OCA2: variants seen among roughly 807,000 people sequenced by gnomAD.
OCA2 encodes P protein.
Under a neutral mutation model 100.2 loss-of-function variants are expected in OCA2, and 77 were observed. That is an observed-to-expected ratio of 0.77 (90% CI 0.64 to 0.93). The LOEUF (loss-of-function observed/expected upper bound fraction) is 0.93. Among genes scored for constraint, OCA2 ranks in the 40% least tolerant of loss-of-function variants. The pLI is 0.00. For missense variants in OCA2, 1,062 were observed against 1,089.1 expected (o/e 0.98, Z 0.35); for synonymous variants, 432 against 439.2 (o/e 0.98, Z 0.21).
chr15:27,846,033 A>G (rs1057283529), intron 22 of OCA2, among the ~76,000 whole-genome samples: 2 of 152,122 alleles, frequency 1.3e-5, no homozygotes, highest in Non-Finnish European at 2.9e-5. Context: ...CCTGACCGTG[A>G]ACCATTCTGG....
intron 2 of OCA2, among the ~76,000 whole-genome samples, chr15:28,079,387 G>A (rs1050140061): frequency 5.9e-5 from 9 of 151,700 alleles, no homozygotes; most frequent in African/African-American, 1.9e-4. Flanking sequence ...AGCCTGAGAT[G>A]ACAGTGCTGG....
rs138815278 is a variant in OCA2, at chr15:28,000,187, C to T, written c.1045-9540G>A. Among the ~76,000 whole-genome samples the T allele has an allele frequency of 8.1e-3, 1,230 of 152,218 alleles. 26 individuals carry two copies. The highest frequency in any genetic ancestry group is 0.028 in the African/African-American group (1,143 of 41,516). Reference sequence around the variant, plus strand: ...TGAGTAAGAAGGAAAAAGCTGGAGGCGTGACACTTCCTGATATCAAACTAT... The same window carrying T: ...TGAGTAAGAAGGAAAAAGCTGGAGGTGTGACACTTCCTGATATCAAACTAT... On this transcript the variant is annotated intron_variant, in intron 9 of 23. Transcript: ENST00000354638.
chr15:27,896,975 G>T (rs1020522189), intron 19 of OCA2, among the ~76,000 whole-genome samples: 11 of 152,126 alleles, frequency 7.2e-5, no homozygotes, highest in African/African-American at 2.7e-4. Flanking sequence ...CGGATTACGA[G>T]GTCAGGAGAT....
intron 19 of OCA2, among the ~76,000 whole-genome samples, chr15:27,879,573 G>A (rs988160853): frequency 6.6e-6 from 1 of 152,064 alleles, no homozygotes; most frequent in African/African-American, 2.4e-5. Context: ...TCTCATTGTG[G>A]TTTTGCTTTG....
At chr15:27,856,842 GA>G (rs1379685698) in intron 21 of OCA2, among the ~76,000 whole-genome samples, 2 of 152,018 alleles carry the variant, frequency 1.3e-5, no homozygotes, top group African/African-American at 4.8e-5. Context: ...AAAATGTTTG[GA>G]AAAATCATAA....
intron 19 of OCA2, among the ~76,000 whole-genome samples, chr15:27,913,848 AAAGAAAGAAAG>A (rs2038509717): frequency 3.1e-5 from 1 of 32,408 alleles, no homozygotes; most frequent in African/African-American, 1.7e-4. Context: ...GGAAAGAAAG[AAAGAAAGAAAG>A]AAAGAAAGAA....
chr15:27,771,478 C>T (rs1311761016), intron 23 of OCA2, among the ~76,000 whole-genome samples: 1 of 152,032 alleles, frequency 6.6e-6, no homozygotes, highest in Non-Finnish European at 1.5e-5. Context: ...CAGGCAGCGC[C>T]CAGCTGGGGG....
At chr15:27,742,113 C>T in the OCA2 span, among the ~76,000 whole-genome samples, 105 of 152,328 alleles carry the variant, frequency 6.9e-4, no homozygotes, top group African/African-American at 2.4e-3. Context: ...TTCATTTCAA[C>T]ACGTGCTCAG....
chr15:28,099,151 C>T (rs1269878856), intron 1 of OCA2, 73 bp downstream of exon 1: 1 of 153,744 alleles, frequency 6.5e-6, no homozygotes, highest in African/African-American at 2.4e-5. Flanking sequence ...CTGTGTAAAC[C>T]CTCCCTGCCT....
Position 27,854,692 on chromosome 15 carries a change from G to C in OCA2, c.2245-3217C>G, listed in dbSNP as rs141929474. 1.7e-3 allele frequency among the ~76,000 whole-genome samples: 252 copies of C among 152,290 alleles called. 3 individuals are homozygous for C. The highest frequency in any genetic ancestry group is 0.014 in the Middle Eastern group (4 of 294). ...TGATGTCTTCGTTCTTCGGAGGAGT[G>C]AGCGAAGTGCAACTTCTCACAACAG... is the stretch of plus-strand genomic sequence containing the variant. On this transcript the variant is annotated intron_variant, in intron 21 of 23. Coordinates refer to ENST00000354638, the MANE Select transcript of OCA2 (RefSeq NM_000275.3).
chr15:27,893,047 C>A (rs114286473), intron 19 of OCA2, among the ~76,000 whole-genome samples: 2,368 of 152,150 alleles, frequency 0.016, 56 homozygotes, highest in African/African-American at 0.05. Flanking sequence ...CCATGAAAGA[C>A]GTTGAATTAT....
intron 17 of OCA2, among the ~76,000 whole-genome samples, chr15:27,954,148 CACACACACA>C (rs771135122): frequency 8.8e-5 from 13 of 147,798 alleles, no homozygotes; most frequent in Non-Finnish European, 1.6e-4. Flanking sequence ...CACACACACA[CACACACACA>C]CACCTAGGGT....
At chr15:27,733,781 T>C in the OCA2 span, among the ~76,000 whole-genome samples, 9 of 152,118 alleles carry the variant, frequency 5.9e-5, no homozygotes, top group Admixed American at 5.2e-4. Context: ...TTTTAAATCA[T>C]CACATTTTAT....
At chr15:27,763,934 CA>C in intron 23 of OCA2, among the ~76,000 whole-genome samples, 1 of 152,150 alleles carries the variant, frequency 6.6e-6, no homozygotes, top group Non-Finnish European at 1.5e-5. Flanking sequence ...CCAAGGCCAA[CA>C]CTGCCCAGTG....
the OCA2 span, among the ~76,000 whole-genome samples, chr15:27,733,963 C>A: frequency 6.6e-6 from 1 of 151,596 alleles, no homozygotes; most frequent in African/African-American, 2.4e-5. Context: ...AGTTCAAGAC[C>A]AGCCTGGCCA....
chr15:27,959,531 C>G (rs551807890), intron 15 of OCA2, among the ~76,000 whole-genome samples: 2 of 152,358 alleles, frequency 1.3e-5, no homozygotes, highest in African/African-American at 2.4e-5. Flanking sequence ...CAGAGACTTT[C>G]CAGCCATTCT....
chr15:27,720,334 G>A, the OCA2 span, among the ~76,000 whole-genome samples: 1 of 151,180 alleles, frequency 6.6e-6, no homozygotes, highest in Non-Finnish European at 1.5e-5. Flanking sequence ...GCAATCGGGG[G>A]AGAAATAAGG....
At chr15:28,031,924 A>G (rs2141378650) in intron 3 of OCA2, 141 bp downstream of exon 3, 1 of 736,564 alleles carries the variant, frequency 1.4e-6, no homozygotes, top group Non-Finnish European at 2.5e-6. Context: ...GGAATCATGA[A>G]CATCTACTAC....
At chr15:27,904,899 C>T (rs767846247) in intron 19 of OCA2, among the ~76,000 whole-genome samples, 23 of 152,230 alleles carry the variant, frequency 1.5e-4, no homozygotes, top group Non-Finnish European at 3.1e-4. Flanking sequence ...CATGGTGGTT[C>T]ATGCCTGTAA....
Sources: gnomAD v4.1 joint callset for allele counts (sites outside exome capture counted in the v4.1 genomes callset) on GRCh38, gnomAD v4.1.1 for gene constraint, MANE v1.5 for transcripts, NCBI Gene and HGNC (gene_info 2026-07-23, HGNC 2026-07-21) for gene names.